The following RPS6KB1 variants were observed in gnomAD, a reference collection of about 807,000 sequenced individuals.
RPS6KB1 encodes ribosomal protein S6 kinase beta-1.
Under a neutral mutation model 70.2 loss-of-function variants are expected in RPS6KB1, and 12 were observed. That is an observed-to-expected ratio of 0.17 (90% CI 0.11 to 0.28). RPS6KB1 has a LOEUF of 0.28. Ranked by LOEUF, RPS6KB1 falls within the 10% of genes least tolerant of loss-of-function variation. RPS6KB1 has a pLI of 1.00. For missense variants in RPS6KB1, 270 were observed against 646.6 expected (o/e 0.42, Z 6.32); for synonymous variants, 175 against 211.2 (o/e 0.83, Z 1.49).
At chr17:59,930,223 G>A (rs757371974) in intron 6 of RPS6KB1, 49 bp downstream of exon 6, 1 of 1,031,652 alleles carries the variant, frequency 9.7e-7, no homozygotes, top group Non-Finnish European at 1.5e-6. Flanking sequence ...TACAAGCAAA[G>A]CCCCATTCCC....
At chr17:59,911,616 C>T (rs2042648572) in intron 2 of RPS6KB1, among the ~76,000 whole-genome samples, 2 of 144,576 alleles carry the variant, frequency 1.4e-5, no homozygotes, top group Non-Finnish European at 3.0e-5. Context: ...ATGATCTCGG[C>T]CCACTGCAAC....
intron 4 of RPS6KB1, among the ~76,000 whole-genome samples, chr17:59,923,355 T>A (rs1345674958): frequency 6.6e-6 from 1 of 152,038 alleles, no homozygotes; most frequent in Non-Finnish European, 1.5e-5. Context: ...CACACGTGGC[T>A]AATTCTTGTA....
chr17:59,933,639 A>C lies in RPS6KB1; in HGVS notation c.689-531A>C, dbSNP rs750968383. On this transcript the variant is annotated intron_variant, in intron 7 of 14. Transcript: ENST00000225577. ...CAGTGATGATTGATTCATACTATCT[A>C]GCAATTTTCTTTCTTTCCCCTAATT... Among the ~76,000 whole-genome samples, 13 of 152,194 alleles carry C rather than the reference A, an allele frequency of 8.5e-5. 1 individual carries two copies. The highest frequency in any genetic ancestry group is 8.5e-4 in the Admixed American group (13 of 15,274).
chr17:59,893,443 G>C lies in RPS6KB1; in HGVS notation c.141+118G>C. 2 of 1,099,670 alleles carry C rather than the reference G, an allele frequency of 1.8e-6. No individual in the cohort carries two copies. Among genetic ancestry groups the C allele is most frequent in the Non-Finnish European group, 2.6e-6 (2 of 771,780 alleles). 68.1% of individuals were successfully genotyped at this position (1,099,670 alleles called of 1,614,324 possible). ...CAGGGGGGCTCCTGAGGAGCTGAGGGTCGCGCGGCCTGAGACAGGGGAGCG... is the reference window on the plus strand; with the variant it reads ...CAGGGGGGCTCCTGAGGAGCTGAGGCTCGCGCGGCCTGAGACAGGGGAGCG... On this transcript the variant is annotated intron_variant, in intron 1 of 14. Coordinates refer to ENST00000225577, the MANE Select transcript of RPS6KB1 (RefSeq NM_003161.4). This position sits in a 1 kb window ranked among gnomAD's most constrained non-coding sequence, Gnocchi z 4.1.
At chr17:59,941,319 C>CTTT (rs34530239) in intron 13 of RPS6KB1, among the ~76,000 whole-genome samples, 1 of 125,028 alleles carries the variant, frequency 8.0e-6, no homozygotes, top group Non-Finnish European at 1.7e-5. Flanking sequence ...ATTTTTGGTA[C>CTTT]TTTTTTTTTT....
At chr17:59,924,565 G>A (rs1367357402) in intron 4 of RPS6KB1, among the ~76,000 whole-genome samples, 1 of 151,832 alleles carries the variant, frequency 6.6e-6, no homozygotes, top group Non-Finnish European at 1.5e-5. Flanking sequence ...GAAAAAAATG[G>A]ATGATAAAAC....
At chr17:59,901,459 C>G (rs9902182) in intron 1 of RPS6KB1, among the ~76,000 whole-genome samples, 1 of 145,754 alleles carries the variant, frequency 6.9e-6, no homozygotes, top group East Asian at 2.1e-4. Context: ...GAGACTCCAT[C>G]TTAAAAAAAA....
intron 3 of RPS6KB1, 29 bp downstream of exon 3, chr17:59,912,833 T>C (rs776903758): frequency 4.3e-6 from 7 of 1,611,258 alleles, no homozygotes; most frequent in Middle Eastern, 1.7e-4. Flanking sequence ...ATGAGAGCTG[T>C]TGTCTGTCTT....
chr17:59,909,175 G>A (rs1380777594), intron 1 of RPS6KB1, among the ~76,000 whole-genome samples: 2 of 142,568 alleles, frequency 1.4e-5, no homozygotes, highest in Non-Finnish European at 3.0e-5. Flanking sequence ...TGATCTGCCC[G>A]CCTCGGCCTC....
rs2045134420 is a variant in RPS6KB1 at position 59,950,128 on chromosome 17, T to A, written c.*3340T>A. On this transcript the variant is annotated 3_prime_UTR_variant, in exon 15 of 15. Coordinates refer to ENST00000225577, the MANE Select transcript of RPS6KB1 (RefSeq NM_003161.4). ...TGTGGTCTGTTGCTGATTAATACAG[T>A]ACTTTTTCTTGTGTGATTCTTAACA... 6.6e-6 allele frequency: 1 copy of A among 152,588 alleles called. No homozygotes were observed. The highest frequency in any genetic ancestry group is 1.5e-5 in the Non-Finnish European group (1 of 67,962). The allele number at this position is 152,588 out of a possible 1,614,324, so 9.5% of individuals were successfully genotyped here.
rs1041169957 is a variant in RPS6KB1 at position 59,948,469 on chromosome 17, T to C, written c.*1681T>C. The C allele has an allele frequency of 3.3e-5, 5 of 152,636 alleles. No individual in the cohort carries two copies. Among genetic ancestry groups the C allele is most frequent in the African/African-American group, 1.2e-4 (5 of 41,450 alleles). The allele number at this position is 152,636 out of a possible 1,614,324, so 9.5% of individuals were successfully genotyped here. On this transcript the variant is annotated 3_prime_UTR_variant, in exon 15 of 15. Transcript: ENST00000225577. ...CCATAGGATCCAAGCCATAAAATTCTTTATGCATGTTGAATTCAGTCAGAA... is the reference window on the plus strand; with the variant it reads ...CCATAGGATCCAAGCCATAAAATTCCTTATGCATGTTGAATTCAGTCAGAA...
At chr17:59,912,565 A>G (rs2042712046) in intron 2 of RPS6KB1, 119 bp from the exon 3 acceptor site, 3 of 970,486 alleles carry the variant, frequency 3.1e-6, no homozygotes, top group African/African-American at 1.6e-5. Context: ...ATTTGGTGTC[A>G]TGTACTTTTT....
intron 1 of RPS6KB1, among the ~76,000 whole-genome samples, chr17:59,909,796 A>G (rs1362075048): frequency 1.3e-5 from 2 of 151,686 alleles, no homozygotes; most frequent in African/African-American, 2.4e-5. Flanking sequence ...GGCAGATCAC[A>G]AGGTCAGGAG....
intron 4 of RPS6KB1, among the ~76,000 whole-genome samples, chr17:59,915,663 A>G (rs959798952): frequency 4.9e-5 from 7 of 142,694 alleles, no homozygotes; most frequent in South Asian, 2.2e-4. Context: ...ACGGGGTTTC[A>G]CCATATTGGC....
chr17:59,915,784 T>TATTTA (rs34124078), intron 4 of RPS6KB1, among the ~76,000 whole-genome samples: 11,244 of 131,310 alleles, frequency 0.086, 735 homozygotes, highest in Middle Eastern at 0.13. Flanking sequence ...TCTTTTTTTT[T>TATTTA]TTTTTTTTTT....
At chr17:59,942,287 C>T (rs377230432) in intron 13 of RPS6KB1, among the ~76,000 whole-genome samples, 1 of 152,296 alleles carries the variant, frequency 6.6e-6, no homozygotes, top group East Asian at 1.9e-4. Context: ...TATTTGACAT[C>T]AAAACATATT....
chr17:59,937,926 C>G (rs77957900), intron 12 of RPS6KB1, among the ~76,000 whole-genome samples: 2,201 of 152,108 alleles, frequency 0.014, 62 homozygotes, highest in African/African-American at 0.051. Context: ...TTTTCCATTC[C>G]TTAGGATGTA....
chr17:59,907,546 T>C (rs1287893819), intron 1 of RPS6KB1: 6 of 151,968 alleles, frequency 3.9e-5, no homozygotes, highest in African/African-American at 1.5e-4. Flanking sequence ...GTTAATTTTT[T>C]TTTTTTTTTG....
At position 59,930,130 on chromosome 17, in the gene RPS6KB1, T is replaced by C. The variant is rs149835132; in HGVS notation, c.543T>C (p.Phe181=). ...TTTTCTTTACAGGAGGAGAACTATT[T>C]ATGCAGTTAGAAAGAGAGGGAATAT... ...ILEYLSGGEL[F]MQLEREGIFM... Residue 181 remains phenylalanine, a synonymous_variant, in exon 6 of 15, where the codon TTT becomes TTC. Transcript: ENST00000225577. 5.8e-4 allele frequency: 856 copies of C among 1,477,704 alleles called. 11 individuals carry two copies. In the South Asian group the frequency reaches 7.1e-3, roughly 12 times the overall value. The allele number at this position is 1,477,704 out of a possible 1,614,324, so 91.5% of individuals were successfully genotyped here. A position where few individuals can be genotyped will look rare whatever the true frequency, so the allele number is the denominator to read the frequency against.
Sources: gnomAD v4.1 joint callset for allele counts (sites outside exome capture counted in the v4.1 genomes callset) on GRCh38, gnomAD v4.1.1 for gene constraint, Gnocchi (gnomAD v3.1) non-coding constraint, MANE v1.5 for transcripts, NCBI Gene and HGNC (gene_info 2026-07-23, HGNC 2026-07-21) for gene names.